The following CDRT4 variants were observed in gnomAD, a reference collection of about 807,000 sequenced individuals.
The protein encoded by CDRT4 is CMT1A duplicated region transcript 4.
For missense variants in CDRT4, 167 were observed against 193.1 expected, an observed-to-expected ratio of 0.87 and a Z score of 0.80; for synonymous variants, 64 against 69.6, an observed-to-expected ratio of 0.92 and a Z score of 0.40.
At chr17:15,439,732 A>G (rs2150784401) in intron 3 of CDRT4, among the ~76,000 whole-genome samples, 1 of 152,340 alleles carries the variant, frequency 6.6e-6, no homozygotes, top group South Asian at 2.1e-4. Context: ...AATGTGGCAC[A>G]TACACACCAT....
chr17:15,459,968 G>A (rs1044043189), intron 1 of CDRT4, among the ~76,000 whole-genome samples: 1 of 152,040 alleles, frequency 6.6e-6, no homozygotes, highest in Non-Finnish European at 1.5e-5. Flanking sequence ...CTGCTCCTCT[G>A]CTCCACTTAG....
intron 2 of CDRT4, 85 bp from the exon 3 acceptor site, chr17:15,440,370 C>A: frequency 6.9e-7 from 1 of 1,440,094 alleles, no homozygotes; most frequent in South Asian, 1.2e-5. Context: ...GGTTCTAAGT[C>A]CTATATGGTC....
At position 15,437,156 on chromosome 17, in the gene CDRT4, A is replaced by G. The variant is rs1191490450; in HGVS notation, c.*617T>C. 1 of 152,642 alleles carries G rather than the reference A, an allele frequency of 6.6e-6. No homozygotes were observed. The highest frequency in any genetic ancestry group is 2.1e-4 in the South Asian group (1 of 4,836). 9.5% of individuals were successfully genotyped at this position (152,642 alleles called of 1,614,324 possible). A position where few individuals can be genotyped will look rare whatever the true frequency, so the allele number is the denominator to read the frequency against. On this transcript the variant is annotated 3_prime_UTR_variant, in exon 4 of 4. Coordinates refer to ENST00000619038, the MANE Select transcript of CDRT4 (RefSeq NM_001204477.2). ...TGGGGGTCCCCTCAGAGACACCAACAAAACATCTCCCCTATTCAGAGGAGG... is the reference window on the plus strand; with the variant it reads ...TGGGGGTCCCCTCAGAGACACCAACGAAACATCTCCCCTATTCAGAGGAGG...
Position 15,464,107 on chromosome 17 carries a change from G to A in CDRT4, c.-130+3353C>T, listed in dbSNP as rs1486986226. On this transcript the variant is annotated intron_variant, in intron 1 of 3. Transcript: ENST00000619038. This position sits in a 1 kb window ranked among gnomAD's most constrained non-coding sequence, Gnocchi z 4.5. The stretch of plus-strand genomic sequence containing the variant: ...GTTGGCATTAGGCAGTGCTAGGTTC[G>A]AGTCTTGCTTCTGACCAACTGTGTG... Among the ~76,000 whole-genome samples the A allele has an allele frequency of 2.0e-5, 3 of 152,180 alleles. No homozygotes were observed. Among genetic ancestry groups the A allele is most frequent in the East Asian group, 1.9e-4 (1 of 5,188 alleles).
In CDRT4 at chr17:15,464,915, A is replaced by T. The variant is rs1979925024; in HGVS notation, c.-130+2545T>A. 6.6e-6 allele frequency among the ~76,000 whole-genome samples: 1 copy of T among 152,142 alleles called. No homozygotes were observed. The highest frequency in any genetic ancestry group is 1.5e-5 in the Non-Finnish European group (1 of 68,026). ...GCACAGACATCAAGCAGGGTTCAAG[A>T]AAGTGCAAGTGGGTGCAACACACAC... On this transcript the variant is annotated intron_variant, in intron 1 of 3. Transcript: ENST00000619038. The surrounding 1 kb of genome is among the most constrained non-coding windows in gnomAD (Gnocchi z 4.5).
chr17:15,437,346 A>G lies in CDRT4; in HGVS notation c.*427T>C, dbSNP rs370828641. 28 of 214,076 alleles carry G rather than the reference A, an allele frequency of 1.3e-4. No homozygotes were observed. The East Asian group carries it at 2.6e-3, about 20-fold the overall frequency. The allele number at this position is 214,076 out of a possible 1,614,324, so 13.3% of individuals were successfully genotyped here. ...ATCTTCCCCTTGTTCCCAAGCCTCAAGTGTGATGCCTGCTTCCTGTGGTGC... is the reference window on the plus strand; with the variant it reads ...ATCTTCCCCTTGTTCCCAAGCCTCAGGTGTGATGCCTGCTTCCTGTGGTGC... On this transcript the variant is annotated 3_prime_UTR_variant, in exon 4 of 4. Transcript: ENST00000619038.
At chr17:15,452,113 T>C (rs905350600) in intron 2 of CDRT4, among the ~76,000 whole-genome samples, 13 of 152,084 alleles carry the variant, frequency 8.5e-5, no homozygotes, top group African/African-American at 2.4e-4. Context: ...CTAGAGAAGG[T>C]AAAATGGCAA....
At chr17:15,465,089 C>T (rs953653631) in intron 1 of CDRT4, among the ~76,000 whole-genome samples, 1 of 144,938 alleles carries the variant, frequency 6.9e-6, no homozygotes, top group Non-Finnish European at 1.5e-5. Context: ...TACAGACACA[C>T]ACAACACAGA....
At chr17:15,457,416 G>A (rs1979535402) in intron 1 of CDRT4, among the ~76,000 whole-genome samples, 1 of 152,176 alleles carries the variant, frequency 6.6e-6, no homozygotes, top group African/African-American at 2.4e-5. Context: ...TCTGTGAATT[G>A]AGACCACAAC....
intron 2 of CDRT4, among the ~76,000 whole-genome samples, chr17:15,446,674 T>C (rs1979042868): frequency 6.6e-6 from 1 of 152,154 alleles, no homozygotes; most frequent in African/African-American, 2.4e-5. Context: ...ATACAGACCG[T>C]GCCTCTTTCT....
intron 1 of CDRT4, among the ~76,000 whole-genome samples, chr17:15,455,968 A>G (rs1030169768): frequency 1.3e-5 from 2 of 152,200 alleles, no homozygotes; most frequent in African/African-American, 2.4e-5. Flanking sequence ...TAACCTTTGG[A>G]GTGCTTTGTT....
At chr17:15,465,577 AAC>A (rs1358360713) in intron 1 of CDRT4, among the ~76,000 whole-genome samples, 2 of 150,676 alleles carry the variant, frequency 1.3e-5, no homozygotes, top group Non-Finnish European at 1.5e-5. Context: ...CTTAGGTACA[AAC>A]ACACACACCA....
chr17:15,451,350 G>A (rs181527118), intron 2 of CDRT4, among the ~76,000 whole-genome samples: 4 of 152,180 alleles, frequency 2.6e-5, no homozygotes, highest in Admixed American at 1.3e-4. Flanking sequence ...ACCCAGTCTC[G>A]GGTATTTCTT....
rs186867702 is a variant in CDRT4 at position 15,458,187 on chromosome 17, G to C, written c.-129-5102C>G. 5.8e-4 allele frequency among the ~76,000 whole-genome samples: 88 copies of C among 152,328 alleles called. 1 individual carries two copies. Among genetic ancestry groups the C allele is most frequent in the Admixed American group, 3.7e-3 (57 of 15,294 alleles). On this transcript the variant is annotated intron_variant, in intron 1 of 3. Coordinates refer to ENST00000619038, the MANE Select transcript of CDRT4 (RefSeq NM_001204477.2). ...TCCATCTCTCAATAGCCATATGCCA[G>C]GGTCCCACCCTGTTTCCTCTGGCTC...
At chr17:15,451,825 A>T (rs1979277548) in intron 2 of CDRT4, among the ~76,000 whole-genome samples, 1 of 152,196 alleles carries the variant, frequency 6.6e-6, no homozygotes, top group African/African-American at 2.4e-5. Flanking sequence ...GTCTAACACT[A>T]TCCCTGCCTG....
intron 2 of CDRT4, among the ~76,000 whole-genome samples, chr17:15,445,613 T>C (rs1978989954): frequency 6.6e-6 from 1 of 152,152 alleles, no homozygotes; most frequent in South Asian, 2.1e-4. Flanking sequence ...CCTCAGAGAA[T>C]GTTATGGAGT....
chr17:15,443,875 TCA>T, intron 2 of CDRT4: 1 of 615,444 alleles, frequency 1.6e-6, no homozygotes, highest in East Asian at 3.8e-5. Flanking sequence ...ATCAAGGGTG[TCA>T]CACTGGGCTT....
intron 1 of CDRT4, among the ~76,000 whole-genome samples, chr17:15,456,973 T>C (rs1013294278): frequency 3.3e-5 from 5 of 152,232 alleles, no homozygotes; most frequent in Middle Eastern, 3.4e-3. Context: ...CTCTGCAAGG[T>C]TGTGTGGTCA....
chr17:15,465,209 C>T (rs1369576397), intron 1 of CDRT4, among the ~76,000 whole-genome samples: 2 of 127,406 alleles, frequency 1.6e-5, no homozygotes, highest in Admixed American at 7.9e-5. Flanking sequence ...GACACACCAA[C>T]AGACACACAC....
Sources: allele counts gnomAD v4.1 joint callset (sites outside exome capture counted in the v4.1 genomes callset), GRCh38; gene constraint gnomAD v4.1.1; non-coding constraint Gnocchi (gnomAD v3.1); transcripts MANE v1.5; gene names NCBI Gene and HGNC (gene_info 2026-07-23, HGNC 2026-07-21).